Variants in ADGRV1 observed in about 807,000 individuals in gnomAD.
ADGRV1 encodes the protein G-protein coupled receptor 98.
ADGRV1 carries 359 observed loss-of-function variants against 596.2 expected under a neutral mutation model. That is an observed-to-expected ratio of 0.60 (90% CI 0.55 to 0.66). ADGRV1 has a LOEUF of 0.66. Among genes scored for constraint, ADGRV1 ranks in the 30% least tolerant of loss-of-function variants. The pLI, the probability that ADGRV1 is intolerant of heterozygous loss-of-function variation, is 0.00. For synonymous variants in ADGRV1, 2,681 were observed against 2,679.2 expected, an observed-to-expected ratio of 1.00 and a Z score of -0.02; for missense variants, 7,274 against 7,575.6, an observed-to-expected ratio of 0.96 and a Z score of 1.48.
intron 61 of ADGRV1, among the ~76,000 whole-genome samples, chr5:90,777,307 A>T (rs893936469): frequency 6.6e-6 from 1 of 152,090 alleles, no homozygotes; most frequent in Non-Finnish European, 1.5e-5. Context: ...ACCAGGCCCC[A>T]CCTCCAACAC....
intron 83 of ADGRV1, among the ~76,000 whole-genome samples, chr5:90,879,349 G>A (rs1769529933): frequency 6.6e-6 from 1 of 152,056 alleles, no homozygotes; most frequent in African/African-American, 2.4e-5. Flanking sequence ...CAGTACACAG[G>A]GTGAAATAAA....
intron 83 of ADGRV1, among the ~76,000 whole-genome samples, chr5:90,880,762 A>G (rs906504531): frequency 2.0e-5 from 3 of 152,230 alleles, no homozygotes; most frequent in African/African-American, 4.8e-5. Flanking sequence ...CAATAGCAGC[A>G]ACCATTCCAA....
Position 90,815,707 on chromosome 5 carries a change from G to A in ADGRV1, c.16167G>A (p.Leu5389=). 3 of 1,566,226 alleles carry A rather than the reference G, an allele frequency of 1.9e-6. No individual in the cohort carries two copies. The highest frequency in any genetic ancestry group is 1.2e-5 in the South Asian group (1 of 85,024). The part of the protein sequence containing the change: ...ELREGAVMRR[L]HLIVTRQPNR... ...GGGAAGGAGCTGTTATGAGAAGATT[G>A]CACCTTATTGTCACAAGACAGCCAA... The change falls in exon 75 of 90, where the codon TTG becomes TTA. Residue 5389 remains leucine (L), a synonymous_variant. Transcript: ENST00000405460.
At chr5:90,689,167 A>C (rs1400172274) in intron 29 of ADGRV1, among the ~76,000 whole-genome samples, 3 of 152,014 alleles carry the variant, frequency 2.0e-5, no homozygotes, top group African/African-American at 4.8e-5. Context: ...AAAGACAATA[A>C]ACCAGGCCCA....
intron 87 of ADGRV1, among the ~76,000 whole-genome samples, chr5:91,148,566 A>C (rs1331356617): frequency 6.6e-6 from 1 of 152,216 alleles, no homozygotes; most frequent in Non-Finnish European, 1.5e-5. Context: ...ATGCCTGGAC[A>C]CCCGGGCAGA....
rs1294681377 is a variant in ADGRV1 at position 90,776,495 on chromosome 5, G to A, written c.12446G>A (p.Gly4149Glu). The A allele has an allele frequency of 6.2e-6, 10 of 1,613,294 alleles. No individual in the cohort carries two copies. Among genetic ancestry groups the A allele is most frequent in the Non-Finnish European group, 8.5e-6 (10 of 1,179,460 alleles). ...ATTCGGGGTGATAAGCGAGCATCAG[G>A]AGAAGTTGGGATAGCTCCGTCATCT... ...IIIRGDKRAS[G>E]EVGIAPSSRH... The change falls in exon 61 of 90, where the codon GGA becomes GAA. Residue 4149 changes from glycine (G) to glutamate (E), a missense_variant. Physicochemically the swap from Gly to Glu is moderately conservative, Grantham distance 98. Coordinates refer to ENST00000405460, the MANE Select transcript of ADGRV1 (RefSeq NM_032119.4).
chr5:90,945,167 C>T (rs1243167053), intron 83 of ADGRV1, among the ~76,000 whole-genome samples: 1 of 152,038 alleles, frequency 6.6e-6, no homozygotes, highest in African/African-American at 2.4e-5. Flanking sequence ...TCTTTAAATC[C>T]TGAGGTTAAA....
chr5:90,628,527 A>G, intron 7 of ADGRV1, 35 bp from the exon 8 acceptor site: 9 of 1,571,334 alleles, frequency 5.7e-6, no homozygotes, highest in Admixed American at 5.1e-5. Flanking sequence ...AAAGTGTACT[A>G]TGTGACAATA....
In ADGRV1 at chr5:91,046,141, ATTC is replaced by A. The variant is rs1785785819; in HGVS notation, c.18153-26302_18153-26300del. On this transcript the variant is annotated intron_variant, in intron 85 of 89. Coordinates refer to ENST00000405460, the MANE Select transcript of ADGRV1 (RefSeq NM_032119.4). ...CAATTCCCAACAAAATATCATCATCATTCTTCACAGAACTAGAAAAAACAATCC... is the reference window on the plus strand; with the variant it reads ...CAATTCCCAACAAAATATCATCATCATTCACAGAACTAGAAAAAACAATCC... Among the ~76,000 whole-genome samples, 3 of 152,210 alleles carry A rather than the reference ATTC, an allele frequency of 2.0e-5. No homozygotes were observed. The South Asian group carries it at 6.2e-4, about 32-fold the overall frequency.
intron 1 of ADGRV1, among the ~76,000 whole-genome samples, chr5:90,574,407 T>C (rs900711748): frequency 1.3e-5 from 2 of 152,194 alleles, no homozygotes; most frequent in Non-Finnish European, 2.9e-5. Flanking sequence ...TCATTTTCTT[T>C]GTGGCTATTA....
chr5:90,840,101 A>G (rs1765302063), intron 77 of ADGRV1, among the ~76,000 whole-genome samples: 1 of 152,182 alleles, frequency 6.6e-6, no homozygotes, highest in East Asian at 1.9e-4. Context: ...TCCTTAGGAT[A>G]TTTCCATATT....
At chr5:90,673,171 G>T (rs1351261052) in intron 22 of ADGRV1, among the ~76,000 whole-genome samples, 1 of 152,058 alleles carries the variant, frequency 6.6e-6, no homozygotes, top group Non-Finnish European at 1.5e-5. Flanking sequence ...TTAATTGCTT[G>T]TGCTGGACTC....
At chr5:91,003,585 A>T (rs1460347245) in intron 85 of ADGRV1, among the ~76,000 whole-genome samples, 2 of 152,208 alleles carry the variant, frequency 1.3e-5, no homozygotes, top group East Asian at 3.9e-4. Context: ...CGCCTTGTGG[A>T]GCCCTTGATA....
At chr5:90,897,315 A>G (rs927060538) in intron 83 of ADGRV1, among the ~76,000 whole-genome samples, 56 of 151,944 alleles carry the variant, frequency 3.7e-4, no homozygotes, top group Non-Finnish European at 1.5e-4. Context: ...ATGATTCAAC[A>G]TTGAATTCAA....
At chr5:90,876,339 A>G (rs1254216107) in intron 83 of ADGRV1, among the ~76,000 whole-genome samples, 1 of 152,228 alleles carries the variant, frequency 6.6e-6, no homozygotes, top group African/African-American at 2.4e-5. Context: ...GAACACTTTT[A>G]AAGTGTTCAA....
intron 24 of ADGRV1, 146 bp downstream of exon 24, chr5:90,675,591 T>G (rs1394376602): frequency 3.8e-6 from 3 of 783,446 alleles, no homozygotes; most frequent in Non-Finnish European, 6.2e-6. Flanking sequence ...AGAGGATTGC[T>G]TGAGGCCACC....
chr5:90,921,843 C>A (rs1773908826), intron 83 of ADGRV1, among the ~76,000 whole-genome samples: 1 of 149,756 alleles, frequency 6.7e-6, no homozygotes, highest in Admixed American at 6.7e-5. Flanking sequence ...TGTCTGAGCC[C>A]CAGGTCAATG....
rs2149983562 is a variant in ADGRV1, at chr5:90,756,997, A to G, written c.11776A>G (p.Thr3926Ala). The G allele has an allele frequency of 1.2e-6, 2 of 1,605,044 alleles. No homozygotes were observed. The highest frequency in any genetic ancestry group is 1.7e-4 in the Middle Eastern group (1 of 6,000). Residue 3926 changes from threonine (T) to alanine (A), a missense_variant, in exon 57 of 90, where the codon ACT becomes GCT. Transcript: ENST00000405460. ...HVTRGAGEVI[T>A]AYEVPPPLNV... ...CTTAAAGGGCGCTGGGGAAGTTATT[A>G]CTGCCTATGAGGTGCCTCCACCCTT...
At chr5:90,723,505 CTTAA>C (rs1001718225) in intron 45 of ADGRV1, among the ~76,000 whole-genome samples, 5 of 152,248 alleles carry the variant, frequency 3.3e-5, no homozygotes, top group Middle Eastern at 3.4e-3. Context: ...GTCGGAGATT[CTTAA>C]TTGTTAGCAG....
Sources: allele counts gnomAD v4.1 joint callset (sites outside exome capture counted in the v4.1 genomes callset), GRCh38; gene constraint gnomAD v4.1.1; transcripts MANE v1.5; gene names NCBI Gene and HGNC (gene_info 2026-07-23, HGNC 2026-07-21).